IP6K3: variants seen among roughly 807,000 people sequenced by gnomAD.
The protein encoded by IP6K3 is inositol hexakisphosphate kinase 3.
In IP6K3, 20 loss-of-function variants were observed where a neutral mutation model predicts 28.8. That is an observed-to-expected ratio of 0.70 (90% confidence interval 0.49 to 1.01). The LOEUF is 1.01. Among genes scored for constraint, IP6K3 ranks in the 50% least tolerant of loss-of-function variants. The pLI, the probability that IP6K3 is intolerant of heterozygous loss-of-function variation, is 0.00. For synonymous variants in IP6K3, 213 were observed against 221.3 expected (o/e 0.96, Z 0.33); for missense variants, 480 against 537.1 (o/e 0.89, Z 1.05).
At chr6:33,732,862 C>T (rs1766366769) in intron 2 of IP6K3, among the ~76,000 whole-genome samples, 1 of 152,250 alleles carries the variant, frequency 6.6e-6, no homozygotes, top group African/African-American at 2.4e-5. Context: ...CTCTTCCCAT[C>T]TACGAGCAGA....
chr6:33,745,205 G>C (rs1766863013), intron 1 of IP6K3, among the ~76,000 whole-genome samples: 2 of 152,250 alleles, frequency 1.3e-5, no homozygotes, highest in African/African-American at 4.8e-5. Context: ...TAGTGAACAA[G>C]AGAGCAACCA....
At chr6:33,726,689 C>T (rs769087434) in intron 4 of IP6K3, 42 bp downstream of exon 4, 37 of 1,520,372 alleles carry the variant, frequency 2.4e-5, no homozygotes, top group Non-Finnish European at 2.8e-5. Context: ...CTCTCTGTCG[C>T]CCCGCCCTTG....
At chr6:33,727,853 C>A (rs1766173222) in intron 3 of IP6K3, 3 of 985,452 alleles carry the variant, frequency 3.0e-6, no homozygotes, top group Non-Finnish European at 3.6e-6. Flanking sequence ...GACAACTCTG[C>A]CTGTGCATCA....
At chr6:33,725,222 C>T (rs1431583426) in intron 5 of IP6K3, among the ~76,000 whole-genome samples, 8 of 124,804 alleles carry the variant, frequency 6.4e-5, no homozygotes, top group African/African-American at 2.2e-4. Context: ...GAGCAAGACT[C>T]CGTCTCAAAA....
chr6:33,723,096 T>C lies in IP6K3; in HGVS notation c.857A>G (p.Gln286Arg), dbSNP rs188692535. The C allele has an allele frequency of 8.0e-5, 129 of 1,614,170 alleles. No individual in the cohort carries two copies. In the East Asian group the frequency reaches 2.8e-3, roughly 35 times the overall value. ...SVEGFRQALY[Q>R]FLHNGSHLRR... is the part of the protein sequence containing the mutation. ...GAGGTGGCTTCCATTATGTAGGAAC[T>C]GATAGAGGGCTTGTCTGAACCCCTC... Residue 286 changes from glutamine (Q) to arginine (R), a missense_variant, in exon 6 of 6, where the codon CAG (glutamine) becomes CGG (arginine). Coordinates refer to ENST00000293756, the MANE Select transcript of IP6K3 (RefSeq NM_054111.5).
chr6:33,752,137 C>T, the IP6K3 span, among the ~76,000 whole-genome samples: 6 of 152,214 alleles, frequency 3.9e-5, no homozygotes, highest in African/African-American at 7.2e-5. Flanking sequence ...TTTTAATCCA[C>T]GCAAGAGCCA....
At chr6:33,727,091 C>T (rs1766147904) in intron 3 of IP6K3, among the ~76,000 whole-genome samples, 185 bp from the exon 4 acceptor site, 1 of 152,220 alleles carries the variant, frequency 6.6e-6, no homozygotes, top group African/African-American at 2.4e-5. Flanking sequence ...GATTTCACCA[C>T]ACTGCAGCCC....
chr6:33,761,406 C>T, the IP6K3 span, among the ~76,000 whole-genome samples: 1 of 152,120 alleles, frequency 6.6e-6, no homozygotes, highest in Non-Finnish European at 1.5e-5. Context: ...CGGGGCTGGC[C>T]AGGCCGCAGT....
At chr6:33,724,539 G>A (rs77896143) in intron 5 of IP6K3, among the ~76,000 whole-genome samples, 1,878 of 152,304 alleles carry the variant, frequency 0.012, 45 homozygotes, top group African/African-American at 0.038. Flanking sequence ...AAAAGGAGGC[G>A]TGGAGTCTGA....
intron 3 of IP6K3, chr6:33,727,715 C>A: frequency 5.3e-6 from 3 of 569,280 alleles, no homozygotes; most frequent in Non-Finnish European, 6.7e-6. Context: ...GAGCAATTAG[C>A]CACACTTTTC....
In IP6K3 at chr6:33,735,480, G is replaced by A. The variant is rs376605597; in HGVS notation, c.-4C>T. On this transcript the variant is annotated 5_prime_UTR_variant, in exon 2 of 6. Transcript: ENST00000293756. ...CTGCGCTGTTTTGCACAACCATGGC[G>A]GCAGATGGTGGTGGTGGGGGGTCCC... The A allele has an allele frequency of 3.2e-5, 51 of 1,606,882 alleles. No homozygotes were observed. Among genetic ancestry groups the A allele is most frequent in the East Asian group, 2.5e-4 (11 of 44,890 alleles).
In IP6K3 at chr6:33,745,269, A is replaced by G. The variant is rs1466799774; in HGVS notation, c.-180+1489T>C. Among the ~76,000 whole-genome samples the G allele has an allele frequency of 2.6e-5, 4 of 152,172 alleles. No individual in the cohort carries two copies. The East Asian group carries it at 7.7e-4, about 29-fold the overall frequency. On this transcript the variant is annotated intron_variant, in intron 1 of 5. Transcript: ENST00000293756. ...TCAGGCTCTGTGGAGGGCAGGAGAA[A>G]GAAGGAGATGCCGCTGGCCAGGGGG...
At position 33,744,144 on chromosome 6, in the gene IP6K3, G is replaced by A. The variant is rs565399517; in HGVS notation, c.-180+2614C>T. On this transcript the variant is annotated intron_variant, in intron 1 of 5. Coordinates refer to ENST00000293756, the MANE Select transcript of IP6K3 (RefSeq NM_054111.5). The surrounding 1 kb of genome is among the most constrained non-coding windows in gnomAD (Gnocchi z 4.4). ...CTAATAGATCCTGACCCCTGGACAC[G>A]CAGCTCCTCAGCCATGGTTAGCAAC... Among the ~76,000 whole-genome samples the A allele has an allele frequency of 3.3e-5, 5 of 152,220 alleles. No individual in the cohort carries two copies. The East Asian group carries it at 9.6e-4, about 29-fold the overall frequency.
intron 1 of IP6K3, among the ~76,000 whole-genome samples, chr6:33,741,750 G>A (rs377498971): frequency 7.4e-5 from 11 of 149,232 alleles, no homozygotes; most frequent in East Asian, 4.0e-4. Flanking sequence ...TCAGGAGTTC[G>A]AGACCAGCCT....
chr6:33,734,911 A>T (rs953862775), intron 2 of IP6K3, among the ~76,000 whole-genome samples: 7 of 152,220 alleles, frequency 4.6e-5, no homozygotes, highest in African/African-American at 1.7e-4. Context: ...GAGGTTAAGG[A>T]GGCCCCATTT....
chr6:33,723,231 A>G, intron 5 of IP6K3, 44 bp from the exon 6 acceptor site: 1 of 1,329,728 alleles, frequency 7.5e-7, no homozygotes, highest in Non-Finnish European at 1.0e-6. Flanking sequence ...TTGGAAACTT[A>G]AACAAATTGT....
intron 1 of IP6K3, among the ~76,000 whole-genome samples, chr6:33,738,907 G>A (rs972470697): frequency 8.5e-5 from 13 of 152,188 alleles, no homozygotes; most frequent in African/African-American, 2.9e-4. Flanking sequence ...CTAGGAGTGG[G>A]TGGGCTGGAG....
chr6:33,745,263 GGAGA>G, intron 1 of IP6K3, among the ~76,000 whole-genome samples: 2 of 152,348 alleles, frequency 1.3e-5, no homozygotes, highest in East Asian at 3.9e-4. Flanking sequence ...GTGGAGGGCA[GGAGA>G]AAGAAGGAGA....
chr6:33,760,801 C>T, the IP6K3 span, among the ~76,000 whole-genome samples: 1 of 152,132 alleles, frequency 6.6e-6, no homozygotes, highest in Admixed American at 6.5e-5. Flanking sequence ...GCTGGGATTA[C>T]AGGAGTGAGC....
Sources: gnomAD v4.1 joint callset for allele counts (sites outside exome capture counted in the v4.1 genomes callset) on GRCh38, gnomAD v4.1.1 for gene constraint, Gnocchi (gnomAD v3.1) non-coding constraint, MANE v1.5 for transcripts, NCBI Gene and HGNC (gene_info 2026-07-23, HGNC 2026-07-21) for gene names.